Variants in CCDC73 observed in about 807,000 individuals in gnomAD.
The protein encoded by CCDC73 is coiled-coil domain containing 73, also known as coiled-coil domain-containing protein 73.
In CCDC73, 95 loss-of-function variants were observed where a neutral mutation model predicts 116.5. That is an observed-to-expected ratio of 0.82 (90% CI 0.69 to 0.97). The LOEUF is 0.97. Among genes scored for constraint, CCDC73 ranks in the 50% least tolerant of loss-of-function variants. CCDC73 has a pLI of 0.00. For missense variants in CCDC73, 1,066 were observed against 1,206.8 expected, an observed-to-expected ratio of 0.88 and a Z score of 1.73; for synonymous variants, 398 against 401.3, an observed-to-expected ratio of 0.99 and a Z score of 0.10.
intron 2 of CCDC73, among the ~76,000 whole-genome samples, chr11:32,738,822 C>T (rs1482094156): frequency 6.6e-6 from 1 of 152,092 alleles, no homozygotes; most frequent in Non-Finnish European, 1.5e-5. Context: ...TTAGTAATTT[C>T]ATGGCTTGAG....
intron 3 of CCDC73, among the ~76,000 whole-genome samples, chr11:32,713,818 G>C (rs1294600350): frequency 6.6e-6 from 1 of 151,972 alleles, no homozygotes; most frequent in Non-Finnish European, 1.5e-5. Context: ...AATTGCTGAG[G>C]ATGTCTCTGG....
In CCDC73 at chr11:32,718,101, TC is replaced by T. The variant is rs1412904985; in HGVS notation, c.181del (p.Glu61ArgfsTer36). The T allele has an allele frequency of 6.2e-7, 1 of 1,608,530 alleles. No homozygotes were observed. Among genetic ancestry groups the T allele is most frequent in the Non-Finnish European group, 8.5e-7 (1 of 1,178,106 alleles). Reference sequence around the variant, plus strand: ...CTTTTGCCATTTAAGTTCCTGTGTCTCCACAATAATTTTACCAATCTGCTCT... The same window carrying T: ...CTTTTGCCATTTAAGTTCCTGTGTCTCACAATAATTTTACCAATCTGCTCT... ...YEEQIGKIIV[E>X]TQELKWQKET... On this transcript the variant is annotated frameshift_variant, in exon 3 of 18. Transcript: ENST00000335185. LOFTEE classifies it high-confidence loss of function.
intron 9 of CCDC73, among the ~76,000 whole-genome samples, chr11:32,672,879 G>A (rs750013919): frequency 2.0e-5 from 3 of 152,106 alleles, no homozygotes; most frequent in Non-Finnish European, 4.4e-5. Context: ...ATACACCTAT[G>A]CTTTTACTTT....
chr11:32,703,603 A>T (rs1433776598), intron 3 of CCDC73, among the ~76,000 whole-genome samples: 6 of 152,176 alleles, frequency 3.9e-5, no homozygotes. Context: ...TTAGAGTTTC[A>T]AAAACAATGA....
intron 2 of CCDC73, among the ~76,000 whole-genome samples, chr11:32,731,194 A>G (rs1480880063): frequency 6.6e-6 from 1 of 152,214 alleles, no homozygotes; most frequent in Admixed American, 6.5e-5. Flanking sequence ...GCAGTCTGAG[A>G]TCAAACTGCA....
At chr11:32,639,772 C>T (rs1353429342) in intron 13 of CCDC73, among the ~76,000 whole-genome samples, 3 of 152,048 alleles carry the variant, frequency 2.0e-5, no homozygotes, top group Non-Finnish European at 4.4e-5. Context: ...TTTGTGACCT[C>T]CCTTTCCCTA....
chr11:32,817,010 C>G, the CCDC73 span, among the ~76,000 whole-genome samples: 58,952 of 151,944 alleles, frequency 0.39, 11,393 homozygotes, highest in South Asian at 0.45. Context: ...GTCTCAAACT[C>G]CTGACCTCAA....
intron 9 of CCDC73, among the ~76,000 whole-genome samples, chr11:32,663,417 C>T (rs140405504): frequency 0.017 from 2,605 of 152,172 alleles, 87 homozygotes; most frequent in African/African-American, 0.059. Flanking sequence ...AAGTTGGATT[C>T]CTAGGTATTT....
chr11:32,689,074 A>T (rs532218553), intron 6 of CCDC73, among the ~76,000 whole-genome samples: 1 of 152,298 alleles, frequency 6.6e-6, no homozygotes, highest in South Asian at 2.1e-4. Context: ...TAATTCCAAG[A>T]AAGGAAGACT....
chr11:32,782,158 C>G (rs923542581), intron 1 of CCDC73, among the ~76,000 whole-genome samples: 1 of 152,144 alleles, frequency 6.6e-6, no homozygotes, highest in Non-Finnish European at 1.5e-5. Flanking sequence ...AGCATAGTTG[C>G]AGGAAAACAA....
intron 2 of CCDC73, among the ~76,000 whole-genome samples, chr11:32,723,001 A>G (rs1565085068): frequency 6.6e-6 from 1 of 152,186 alleles, no homozygotes; most frequent in Non-Finnish European, 1.5e-5. Flanking sequence ...TAAATGTTGC[A>G]TTACACTACC....
At chr11:32,645,285 CTTTTTCT>C (rs1295304712) in intron 12 of CCDC73, among the ~76,000 whole-genome samples, 1 of 103,030 alleles carries the variant, frequency 9.7e-6, no homozygotes, top group Non-Finnish European at 2.0e-5. Flanking sequence ...TTTTCTTTTT[CTTTTTCT>C]TTTTTTTTTT....
At chr11:32,823,026 G>A in the CCDC73 span, among the ~76,000 whole-genome samples, 1 of 152,040 alleles carries the variant, frequency 6.6e-6, no homozygotes, top group African/African-American at 2.4e-5. Context: ...CCAGCACTTT[G>A]GGAGGCTGAG....
chr11:32,788,177 T>C (rs561037225), intron 1 of CCDC73, among the ~76,000 whole-genome samples: 1 of 152,334 alleles, frequency 6.6e-6, no homozygotes, highest in South Asian at 2.1e-4. Flanking sequence ...TTATACTGAA[T>C]TGAATAGATC....
chr11:32,654,626 T>C (rs1855854636), intron 10 of CCDC73, among the ~76,000 whole-genome samples: 1 of 152,202 alleles, frequency 6.6e-6, no homozygotes, highest in South Asian at 2.1e-4. Flanking sequence ...TACCACAAGA[T>C]TACTCAAAAC....
intron 3 of CCDC73, among the ~76,000 whole-genome samples, chr11:32,711,257 A>C (rs1849897690): frequency 6.6e-6 from 1 of 152,200 alleles, no homozygotes; most frequent in South Asian, 2.1e-4. Flanking sequence ...CTAAAAGTAG[A>C]TCTACCATTT....
At chr11:32,791,961 T>C (rs1007429146) in intron 1 of CCDC73, among the ~76,000 whole-genome samples, 2 of 146,312 alleles carry the variant, frequency 1.4e-5, no homozygotes, top group African/African-American at 5.1e-5. Flanking sequence ...CCAGACCCTG[T>C]CTCAAAAAAA....
chr11:32,659,193 C>A (rs1197130429), intron 9 of CCDC73, among the ~76,000 whole-genome samples: 1 of 152,092 alleles, frequency 6.6e-6, no homozygotes, highest in Non-Finnish European at 1.5e-5. Flanking sequence ...AGCAAGATAG[C>A]TTCCTTTGAA....
Position 32,614,766 on chromosome 11 carries a change from CT to C in CCDC73, c.1551del (p.Asp518ThrfsTer22). On this transcript the variant is annotated frameshift_variant, in exon 16 of 18. Coordinates refer to ENST00000335185, the MANE Select transcript of CCDC73 (RefSeq NM_001008391.4). LOFTEE classifies it high-confidence loss of function. ...TTGTCTTTTTCCAAGCATATCTTGTCTTTTATTTCTGTAGTAACTGATTTTC... is the reference window on the plus strand; with the variant it reads ...TTGTCTTTTTCCAAGCATATCTTGTCTTTATTTCTGTAGTAACTGATTTTC... ...DNRKSVTTEI[K>X]DKICLEKDNG... is the part of the protein sequence containing the mutation. The C allele has an allele frequency of 1.2e-6, 2 of 1,613,086 alleles. No homozygotes were observed. The highest frequency in any genetic ancestry group is 1.7e-6 in the Non-Finnish European group (2 of 1,179,568).
Sources: allele counts gnomAD v4.1 joint callset (sites outside exome capture counted in the v4.1 genomes callset), GRCh38; gene constraint gnomAD v4.1.1; transcripts MANE v1.5; gene names NCBI Gene and HGNC (gene_info 2026-07-23, HGNC 2026-07-21).